VPS13D: variants seen among roughly 807,000 people sequenced by gnomAD.
VPS13D encodes the protein vacuolar protein sorting 13 homolog D.
Under a neutral mutation model 461.9 loss-of-function variants are expected in VPS13D, and 187 were observed. That is an observed-to-expected ratio of 0.40 (90% CI 0.36 to 0.46). VPS13D has a LOEUF of 0.46. Among genes scored for constraint, VPS13D ranks in the 20% least tolerant of loss-of-function variants. VPS13D has a pLI of 0.60. For missense variants in VPS13D, 4,711 were observed against 5,364.9 expected (o/e 0.88, Z 3.81); for synonymous variants, 1,951 against 1,986.3 (o/e 0.98, Z 0.47).
chr1:12,321,805 G>C lies in VPS13D; in HGVS notation c.7549-4G>C, dbSNP rs2101529997. The C allele has an allele frequency of 6.3e-7, 1 of 1,599,034 alleles. No individual in the cohort carries two copies. The highest frequency in any genetic ancestry group is 8.5e-7 in the Non-Finnish European group (1 of 1,175,566). ...TTCTCGCCATATTGCATTTCATTCTGTAGGTGTTTTCATGCCGACTAGGGA... is the reference window on the plus strand; with the variant it reads ...TTCTCGCCATATTGCATTTCATTCTCTAGGTGTTTTCATGCCGACTAGGGA... On this transcript the variant is annotated splice_polypyrimidine_tract_variant and splice_region_variant and intron_variant, in intron 32 of 69. Coordinates refer to ENST00000620676, the MANE Select transcript of VPS13D (RefSeq NM_015378.4).
Position 12,257,070 on chromosome 1 carries a change from G to A in VPS13D, c.924G>A (p.Lys308=), listed in dbSNP as rs1439017249. 6.2e-7 allele frequency: 1 copy of A among 1,614,008 alleles called. No homozygotes were observed. Among genetic ancestry groups the A allele is most frequent in the East Asian group, 2.2e-5 (1 of 44,886 alleles). ...TGAAGTTCCGAAGGTGGAAACCCAA[G>A]GTGGCGATATCTAAGAAGTAAGGGC... The part of the protein sequence containing the change: ...RQVKFRRWKP[K]VAISKNCREW... Residue 308 remains lysine, a synonymous_variant, in exon 9 of 70, where the codon AAG becomes AAA. Coordinates refer to ENST00000620676, the MANE Select transcript of VPS13D (RefSeq NM_015378.4).
chr1:12,379,400 A>G, intron 56 of VPS13D, 88 bp from the exon 57 acceptor site: 1 of 1,212,860 alleles, frequency 8.2e-7, no homozygotes, highest in Non-Finnish European at 1.2e-6. Context: ...AGAAGGAAGA[A>G]GAGCAAAGCC....
chr1:12,284,970 T>C (rs1360490069), intron 21 of VPS13D, among the ~76,000 whole-genome samples: 3 of 152,222 alleles, frequency 2.0e-5, no homozygotes, highest in Non-Finnish European at 1.5e-5. Context: ...TACCTGGAAC[T>C]TTATTCTTGC....
At chr1:12,294,108 A>G (rs1642207633) in intron 24 of VPS13D, among the ~76,000 whole-genome samples, 1 of 152,246 alleles carries the variant, frequency 6.6e-6, no homozygotes, top group African/African-American at 2.4e-5. Context: ...TCCTAGGCCA[A>G]AGGAAACACC....
At chr1:12,239,621 G>A (rs766987647) in intron 2 of VPS13D, among the ~76,000 whole-genome samples, 3 of 152,168 alleles carry the variant, frequency 2.0e-5, no homozygotes, top group East Asian at 1.9e-4. Flanking sequence ...GGGGCCTATC[G>A]TATATTTGTA....
At position 12,373,870 on chromosome 1, in the gene VPS13D, T is replaced by C; in HGVS notation, c.10917+12T>C. On this transcript the variant is annotated intron_variant, in intron 55 of 69. Coordinates refer to ENST00000620676, the MANE Select transcript of VPS13D (RefSeq NM_015378.4). Reference sequence around the variant, plus strand: ...TTTTAAAAAAGAAGGTAAGAGAGCTTACAATCAGAGTTTAGAATACAAGGT... The same window carrying C: ...TTTTAAAAAAGAAGGTAAGAGAGCTCACAATCAGAGTTTAGAATACAAGGT... The C allele has an allele frequency of 6.3e-7, 1 of 1,594,606 alleles. No individual in the cohort carries two copies. The highest frequency in any genetic ancestry group is 1.1e-5 in the South Asian group (1 of 90,228).
intron 52 of VPS13D, 114 bp downstream of exon 52, chr1:12,363,361 CT>C: frequency 8.6e-7 from 1 of 1,164,178 alleles, no homozygotes; most frequent in Non-Finnish European, 1.2e-6. Context: ...AGACAGAGGT[CT>C]TAGAACTTGC....
At chr1:12,460,082 T>G in intron 66 of VPS13D, 119 bp from the exon 67 acceptor site, 1 of 917,810 alleles carries the variant, frequency 1.1e-6, no homozygotes, top group Non-Finnish European at 1.5e-6. Context: ...CTGTGGCCTC[T>G]CTGGCACAGA....
intron 60 of VPS13D, among the ~76,000 whole-genome samples, chr1:12,388,623 G>A (rs575770164): frequency 6.6e-6 from 1 of 151,510 alleles, no homozygotes; most frequent in South Asian, 2.1e-4. Context: ...CCAAGAGAAG[G>A]CAGAAAACAG....
chr1:12,451,203 C>T (rs1291497016), intron 65 of VPS13D, among the ~76,000 whole-genome samples: 1 of 152,194 alleles, frequency 6.6e-6, no homozygotes, highest in Admixed American at 6.5e-5. Context: ...GGAGCCAGGC[C>T]CCAAACCCAG....
rs539009112 is a variant in VPS13D, at chr1:12,256,741, G to A, written c.840+238G>A. Among the ~76,000 whole-genome samples, 212 of 150,786 alleles carry A rather than the reference G, an allele frequency of 1.4e-3. 1 individual carries two copies. The highest frequency in any genetic ancestry group is 4.7e-3 in the African/African-American group (192 of 40,914). On this transcript the variant is annotated intron_variant, in intron 8 of 69. Coordinates refer to ENST00000620676, the MANE Select transcript of VPS13D (RefSeq NM_015378.4). ...GTTGGTGGTATGGATTGGAAAGGAG[G>A]CTAGTTTTGTTTTGGTATTTTTAAG...
rs1641602432 is a variant in VPS13D, at chr1:12,276,085, G to A, written c.2497G>A (p.Asp833Asn). The stretch of plus-strand genomic sequence containing the variant: ...CCAGATCATGGTTGGACGAGTGAAA[G>A]ACAATTGGAAGCATGTCCAGGATAT... ...DLQIMVGRVK[D>N]NWKHVQDIDV... Residue 833 changes from aspartate (D) to asparagine (N), a missense_variant, in exon 19 of 70, where the codon GAC becomes AAC. By Grantham distance (23) the Asp-to-Asn change is conservative (BLOSUM62 1). Transcript: ENST00000620676. The surrounding 1 kb of genome is among the most constrained non-coding windows in gnomAD (Gnocchi z 4.5). 1 of 1,614,134 alleles carries A rather than the reference G, an allele frequency of 6.2e-7. No homozygotes were observed.
chr1:12,351,009 AC>A (rs1278504758), intron 46 of VPS13D, among the ~76,000 whole-genome samples: 1 of 152,194 alleles, frequency 6.6e-6, no homozygotes, highest in Non-Finnish European at 1.5e-5. Context: ...AATCCAAATA[AC>A]CCAGTATCTA....
intron 26 of VPS13D, 146 bp from the exon 27 acceptor site, chr1:12,308,285 T>C: frequency 3.6e-6 from 3 of 835,220 alleles, no homozygotes; most frequent in Non-Finnish European, 5.5e-6. Context: ...GGACAGCCAG[T>C]TTTCTGAGTA....
rs1646132958 is a variant in VPS13D at position 12,507,832 on chromosome 1, C to T, written c.13035+739C>T. 3.3e-5 allele frequency among the ~76,000 whole-genome samples: 5 copies of T among 152,230 alleles called. No homozygotes were observed. ...GAGCCTCTTGCGGATCTGTCTCTGGCCAGTCGGCCCTGGAGGCTTGCCATG... is the reference window on the plus strand; with the variant it reads ...GAGCCTCTTGCGGATCTGTCTCTGGTCAGTCGGCCCTGGAGGCTTGCCATG... On this transcript the variant is annotated intron_variant, in intron 69 of 69. Transcript: ENST00000620676. This position sits in a 1 kb window ranked among gnomAD's most constrained non-coding sequence, Gnocchi z 5.3.
intron 21 of VPS13D, among the ~76,000 whole-genome samples, chr1:12,286,043 T>C (rs12747574): frequency 7.2e-6 from 1 of 139,446 alleles, no homozygotes; most frequent in Non-Finnish European, 1.6e-5. Context: ...CTCCCCTCCC[T>C]TCCCTTCCTT....
intron 65 of VPS13D, among the ~76,000 whole-genome samples, chr1:12,427,784 A>T (rs1644941136): frequency 1.3e-5 from 2 of 152,200 alleles, no homozygotes; most frequent in Admixed American, 1.3e-4. Context: ...CTGATACTGC[A>T]GGTTAAGATT....
chr1:12,400,953 T>TGCGCGCGC (rs1219516243), intron 61 of VPS13D, among the ~76,000 whole-genome samples: 2 of 136,202 alleles, frequency 1.5e-5, no homozygotes, highest in Non-Finnish European at 3.1e-5. Context: ...GATGTGCACC[T>TGCGCGCGC]GCGCGCGCGC....
At chr1:12,503,052 T>C (rs1646055708) in intron 68 of VPS13D, among the ~76,000 whole-genome samples, 1 of 152,168 alleles carries the variant, frequency 6.6e-6, no homozygotes, top group Non-Finnish European at 1.5e-5. Context: ...TGGGAGGACG[T>C]TGTGACCTGC....
Sources: gnomAD v4.1 joint callset for allele counts (sites outside exome capture counted in the v4.1 genomes callset) on GRCh38, gnomAD v4.1.1 for gene constraint, Gnocchi (gnomAD v3.1) non-coding constraint, MANE v1.5 for transcripts, NCBI Gene and HGNC (gene_info 2026-07-23, HGNC 2026-07-21) for gene names.